Variants in LDLRAD4 observed in about 807,000 individuals in gnomAD.
The protein encoded by LDLRAD4 is low density lipoprotein receptor class A domain containing 4.
In LDLRAD4, 5 loss-of-function variants were observed where a neutral mutation model predicts 17.0. The observed-to-expected ratio is 0.29, with a 90% CI of 0.15 to 0.62. The LOEUF (loss-of-function observed/expected upper bound fraction) is 0.62, where lower values mean the gene tolerates loss of function less well. LDLRAD4 is among the 20% of genes least tolerant of loss of function. The probability of loss-of-function intolerance (pLI) is 0.84; values close to 1 mark genes in which losing one functional copy is unlikely to be tolerated. For synonymous variants in LDLRAD4, 168 were observed against 171.8 expected (o/e 0.98, Z 0.17); for missense variants, 340 against 424.7 (o/e 0.80, Z 1.75).
At chr18:13,587,158 C>G (rs2094946853) in intron 3 of LDLRAD4, among the ~76,000 whole-genome samples, 1 of 152,150 alleles carries the variant, frequency 6.6e-6, no homozygotes, top group Non-Finnish European at 1.5e-5. Flanking sequence ...AAAACCCAGA[C>G]TGCTGGCCTC....
chr18:13,555,703 A>G (rs1254298632), intron 3 of LDLRAD4, among the ~76,000 whole-genome samples: 1 of 152,244 alleles, frequency 6.6e-6, no homozygotes, highest in Admixed American at 6.5e-5. Context: ...CTCATTAAGT[A>G]AAGCCAGGTG....
chr18:13,338,581 T>C (rs1419921072), intron 1 of LDLRAD4, among the ~76,000 whole-genome samples: 1 of 152,222 alleles, frequency 6.6e-6, no homozygotes, highest in African/African-American at 2.4e-5. Flanking sequence ...CTGGTGAAAA[T>C]AGAATTGAAC....
intron 3 of LDLRAD4, chr18:13,501,146 G>A (rs556087477): frequency 6.6e-6 from 1 of 152,210 alleles, no homozygotes; most frequent in East Asian, 1.9e-4. Flanking sequence ...GTGGAGTAGG[G>A]GCTACTTTCT....
At chr18:13,445,612 AGTGT>A (rs879721459) in intron 3 of LDLRAD4, among the ~76,000 whole-genome samples, 1 of 148,808 alleles carries the variant, frequency 6.7e-6, no homozygotes, top group Non-Finnish European at 1.5e-5. Context: ...TGTATTCATG[AGTGT>A]GTGTGCGTGT....
chr18:13,433,489 G>C (rs1315481374), intron 2 of LDLRAD4, among the ~76,000 whole-genome samples: 2 of 152,182 alleles, frequency 1.3e-5, no homozygotes, highest in African/African-American at 4.8e-5. Context: ...GAAAACTAAG[G>C]CTTTAAAGGA....
intron 5 of LDLRAD4, 29 bp downstream of exon 6, chr18:13,643,441 GGGGGGCGGGGGGGGTGGGT>G: frequency 2.7e-6 from 2 of 738,836 alleles, no homozygotes; most frequent in Non-Finnish European, 3.8e-6. Context: ...TGATGGCTGC[GGGGGGCGGGGGGGGTGGGT>G]GGGGATGAAG....
chr18:13,627,677 C>T (rs1340314049), intron 4 of LDLRAD4, among the ~76,000 whole-genome samples: 1 of 152,196 alleles, frequency 6.6e-6, no homozygotes, highest in African/African-American at 2.4e-5. Flanking sequence ...TGTGCCCAGC[C>T]TGACATGGTC....
intron 1 of LDLRAD4, among the ~76,000 whole-genome samples, chr18:13,320,426 T>C (rs1447945532): frequency 6.6e-6 from 1 of 152,170 alleles, no homozygotes; most frequent in Non-Finnish European, 1.5e-5. Flanking sequence ...AGAGACTACT[T>C]TTAACCCTGT....
intron 2 of LDLRAD4, among the ~76,000 whole-genome samples, chr18:13,401,870 C>T (rs1056212423): frequency 5.3e-5 from 8 of 152,302 alleles, no homozygotes; most frequent in Non-Finnish European, 1.2e-4. Context: ...TATCCTCATG[C>T]TTCCCTGAGG....
chr18:13,486,607 AGGAAAG>A (rs2093228938), intron 3 of LDLRAD4: 2 of 152,266 alleles, frequency 1.3e-5, no homozygotes, highest in African/African-American at 4.8e-5. Context: ...AGTGCGCTTG[AGGAAAG>A]AGTGCATTTT....
In LDLRAD4 at chr18:13,371,561, G is replaced by C. The variant is rs550705637; in HGVS notation, c.-382-15780G>C. ...AAGCGGGTGGATCACTTGAGGTCAGGAGACCAGCCTGGCCAACATGATGAA... is the reference window on the plus strand; with the variant it reads ...AAGCGGGTGGATCACTTGAGGTCAGCAGACCAGCCTGGCCAACATGATGAA... On this transcript the variant is annotated intron_variant, in intron 1 of 5. Transcript: ENST00000359446. Among the ~76,000 whole-genome samples the C allele has an allele frequency of 2.0e-3, 309 of 152,204 alleles. 2 individuals are homozygous for C. The highest frequency in any genetic ancestry group is 0.017 in the Middle Eastern group (5 of 294).
chr18:13,597,506 TTCTC>T (rs58235384), intron 3 of LDLRAD4, among the ~76,000 whole-genome samples: 1,815 of 148,148 alleles, frequency 0.012, 33 homozygotes, highest in African/African-American at 0.037. Context: ...TTCTGCTCAT[TTCTC>T]TCTCTCTCTC....
chr18:13,565,130 C>A (rs2094584060), intron 3 of LDLRAD4: 1 of 152,238 alleles, frequency 6.6e-6, no homozygotes, highest in African/African-American at 2.4e-5. Context: ...ATACACCAAA[C>A]AACTAGGTTT....
At chr18:13,324,289 C>T (rs1438786629) in intron 1 of LDLRAD4, among the ~76,000 whole-genome samples, 21 of 149,932 alleles carry the variant, frequency 1.4e-4, no homozygotes, top group African/African-American at 5.2e-4. Context: ...AGGTGCCTGC[C>T]ACCACACCTG....
chr18:13,615,271 C>T (rs919153182), intron 3 of LDLRAD4: 2 of 152,198 alleles, frequency 1.3e-5, no homozygotes, highest in African/African-American at 4.8e-5. Flanking sequence ...GGGGCCCAGA[C>T]CTTGCCCCCT....
At chr18:13,307,214 C>T (rs1184603235) in intron 1 of LDLRAD4, among the ~76,000 whole-genome samples, 4 of 152,082 alleles carry the variant, frequency 2.6e-5, no homozygotes, top group African/African-American at 7.2e-5. Context: ...ACCAAGTGTG[C>T]GTGCCTTTCC....
intron 3 of LDLRAD4, among the ~76,000 whole-genome samples, chr18:13,517,406 C>T (rs1012303838): frequency 6.6e-6 from 1 of 152,236 alleles, no homozygotes; most frequent in Non-Finnish European, 1.5e-5. Context: ...TTTCCCTCCA[C>T]AAGGTCCCGA....
At chr18:13,620,683 T>C (rs949328113) in intron 3 of LDLRAD4, among the ~76,000 whole-genome samples, 12 of 152,198 alleles carry the variant, frequency 7.9e-5, no homozygotes, top group Non-Finnish European at 1.6e-4. Context: ...CTGGAAACAA[T>C]GTGGATGTTT....
intron 1 of LDLRAD4, among the ~76,000 whole-genome samples, chr18:13,286,173 G>A (rs1453512258): frequency 6.6e-6 from 1 of 152,166 alleles, no homozygotes; most frequent in Non-Finnish European, 1.5e-5. Context: ...TACCTCATAA[G>A]TGGAATCATG....
Sources: allele counts gnomAD v4.1 joint callset (sites outside exome capture counted in the v4.1 genomes callset), GRCh38; gene constraint gnomAD v4.1.1; transcripts MANE v1.5; gene names NCBI Gene and HGNC (gene_info 2026-07-23, HGNC 2026-07-21).